The following TOPORS variants were observed in gnomAD, a reference collection of about 807,000 sequenced individuals.
TOPORS encodes TOP1 binding arginine/serine rich protein, E3 ubiquitin ligase, also known as E3 ubiquitin-protein ligase Topors.
A neutral mutation model predicts 81.4 loss-of-function variants in TOPORS; 25 were observed. The ratio of observed to expected loss-of-function variants is 0.31; its 90% CI spans 0.22 to 0.43. TOPORS has a LOEUF of 0.43. Among genes scored for constraint, TOPORS ranks in the 20% least tolerant of loss-of-function variants. The pLI is 1.00. For missense variants in TOPORS, 1,101 were observed against 1,267.0 expected (o/e 0.87, Z 1.99); for synonymous variants, 473 against 456.6 (o/e 1.04, Z -0.46).
At position 32,542,369 on chromosome 9, in the gene TOPORS, G is replaced by T. The variant is rs1821078952; in HGVS notation, c.2156C>A (p.Ser719Tyr). 6.2e-7 allele frequency: 1 copy of T among 1,614,094 alleles called. No individual in the cohort carries two copies. Among genetic ancestry groups the T allele is most frequent in the South Asian group, 1.1e-5 (1 of 91,084 alleles). ...TCTGGACAGAGTCCTCCTCCTGTAAGATGATTCGTACCCATCCCTGTCCTT... is the reference window on the plus strand; with the variant it reads ...TCTGGACAGAGTCCTCCTCCTGTAATATGATTCGTACCCATCCCTGTCCTT... ...RNKDRDGYES[S>Y]YRRRTLSRAH... Residue 719 changes from serine to tyrosine, a missense_variant, in exon 3 of 3, where the codon TCT becomes TAT. This residue lies in a region of TOPORS where 605 missense variants were observed against 636.1 expected (regional missense o/e 0.95). Transcript: ENST00000360538.
chr9:32,551,007 A>C, intron 1 of TOPORS, 39 bp from the exon 2 acceptor site: 1 of 1,601,436 alleles, frequency 6.2e-7, no homozygotes, highest in Non-Finnish European at 8.5e-7. Flanking sequence ...GCAGCTCGGA[A>C]GCAGGGCAGA....
At position 32,541,317 on chromosome 9, in the gene TOPORS, T is replaced by G. The variant is rs758912429; in HGVS notation, c.*70A>C. 5 of 1,436,102 alleles carry G rather than the reference T, an allele frequency of 3.5e-6. No individual in the cohort carries two copies. The highest frequency in any genetic ancestry group is 4.9e-6 in the Non-Finnish European group (5 of 1,026,616). 89.0% of individuals were successfully genotyped at this position (1,436,102 alleles called of 1,614,324 possible). A position where few individuals can be genotyped will look rare whatever the true frequency, so the allele number is the denominator to read the frequency against. On this transcript the variant is annotated 3_prime_UTR_variant, in exon 3 of 3. Coordinates refer to ENST00000360538, the MANE Select transcript of TOPORS (RefSeq NM_005802.5). The stretch of plus-strand genomic sequence containing the variant: ...CACCAAATGTCATCTTTAAATAGAC[T>G]GCAGTAGACGACATTCTTCCTTTTT...
At chr9:32,552,367 C>T (rs756551483) in intron 1 of TOPORS, 67 bp downstream of exon 1, 2 of 1,591,192 alleles carry the variant, frequency 1.3e-6, no homozygotes, top group Admixed American at 3.5e-5. Flanking sequence ...TGGCAGCCAC[C>T]GCCTGGGAGG....
At position 32,541,742 on chromosome 9, in the gene TOPORS, T is replaced by C. The variant is rs1369702932; in HGVS notation, c.2783A>G (p.Asn928Ser). 9 of 1,614,212 alleles carry C rather than the reference T, an allele frequency of 5.6e-6. No individual in the cohort carries two copies. In the East Asian group the frequency reaches 1.6e-4, roughly 28 times the overall value. Residue 928 changes from asparagine to serine, a missense_variant, in exon 3 of 3, where the codon AAT becomes AGT. By Grantham distance (46) the Asn-to-Ser change is conservative. Around this residue, in one of 9 missense-constraint regions of TOPORS, gnomAD observed 605 missense variants for 636.1 expected, o/e 0.95. Coordinates refer to ENST00000360538, the MANE Select transcript of TOPORS (RefSeq NM_005802.5). ...SEVKEDTECD[N>S]SGPQDPLQNE... ...TTGTAGAGGGTCTTGAGGACCACTA[T>C]TGTCACATTCTGTATCCTCCTTTAC... is the stretch of plus-strand genomic sequence containing the variant.
Position 32,541,609 on chromosome 9 carries a change from A to T in TOPORS, c.2916T>A (p.Ser972Arg), listed in dbSNP as rs1442344260. 1 of 1,614,198 alleles carries T rather than the reference A, an allele frequency of 6.2e-7. No homozygotes were observed. Among genetic ancestry groups the T allele is most frequent in the Non-Finnish European group, 8.5e-7 (1 of 1,180,042 alleles). The change falls in exon 3 of 3, where the codon AGT becomes AGA. Residue 972 changes from serine (S) to arginine (R), a missense_variant. Ser to Arg is a moderately radical substitution (Grantham distance 110, BLOSUM62 -1). Transcript: ENST00000360538. ...LDKECDIATL[S>R]NNLNNANKTV... ...TTTTGTTGGCATTATTCAAGTTGTTACTAAGTGTGGCAATATCACATTCCT... is the reference window on the plus strand; with the variant it reads ...TTTTGTTGGCATTATTCAAGTTGTTTCTAAGTGTGGCAATATCACATTCCT...
chr9:32,544,373 G>A, intron 2 of TOPORS, 47 bp from the exon 3 acceptor site: 1 of 1,565,614 alleles, frequency 6.4e-7, no homozygotes, highest in South Asian at 1.1e-5. Flanking sequence ...ATAGAGGAAT[G>A]ACTAAATAGT....
rs552192519 is a variant in TOPORS, at chr9:32,552,523, G to T, written c.-87C>A. On this transcript the variant is annotated 5_prime_UTR_variant, in exon 1 of 3. Transcript: ENST00000360538. Reference sequence around the variant, plus strand: ...GGGCCCCCACCGTGTCGACTCACTGGGCCCGCAGGCGGAAAGGCCCTATTT... The same window carrying T: ...GGGCCCCCACCGTGTCGACTCACTGTGCCCGCAGGCGGAAAGGCCCTATTT... 5 of 1,547,016 alleles carry T rather than the reference G, an allele frequency of 3.2e-6. No individual in the cohort carries two copies. The East Asian group carries it at 9.4e-5, about 29-fold the overall frequency.
At chr9:32,548,514 G>A (rs772188028) in intron 2 of TOPORS, among the ~76,000 whole-genome samples, 2 of 151,828 alleles carry the variant, frequency 1.3e-5, no homozygotes, top group Admixed American at 6.6e-5. Flanking sequence ...CAACAAGAGC[G>A]AAACTCTGCC....
In TOPORS at chr9:32,542,207, G is replaced by C. The variant is rs1202820684; in HGVS notation, c.2318C>G (p.Ser773Cys). ...YYERHRSRSLSSNRSRTASTG... is the reference protein window; with the variant it reads ...YYERHRSRSLCSNRSRTASTG... ...AGATGCAGTCCTTGATCTGTTACTA[G>C]ACAGGCTCCTTGATCTGTGCCTTTC... Residue 773 changes from serine (S) to cysteine (C), a missense_variant, in exon 3 of 3, where the codon TCT becomes TGT. Physicochemically the swap from Ser to Cys is moderately radical, Grantham distance 112. This residue lies in a region of TOPORS where 605 missense variants were observed against 636.1 expected (regional missense o/e 0.95). Transcript: ENST00000360538. 1.1e-5 allele frequency: 18 copies of C among 1,614,070 alleles called. No homozygotes were observed. Among genetic ancestry groups the C allele is most frequent in the Non-Finnish European group, 1.5e-5 (18 of 1,180,032 alleles).
At chr9:32,549,265 C>T (rs588127) in intron 2 of TOPORS, among the ~76,000 whole-genome samples, 5,737 of 152,114 alleles carry the variant, frequency 0.038, 364 homozygotes, top group African/African-American at 0.13. Flanking sequence ...CGAGACTGCG[C>T]CACTGCACTC....
At chr9:32,549,503 T>C (rs553815483) in intron 2 of TOPORS, among the ~76,000 whole-genome samples, 211 of 152,202 alleles carry the variant, frequency 1.4e-3, no homozygotes, top group Non-Finnish European at 2.3e-3. Context: ...AATTCTAAAA[T>C]GGAATTGAAA....
chr9:32,542,523 T>C lies in TOPORS; in HGVS notation c.2002A>G (p.Ser668Gly). The part of the protein sequence containing the change: ...QTLSLSSEST[S>G]RSRSRSSDHG... Reference sequence around the variant, plus strand: ...TCACTGCTACGAGACCTTGATCTGCTTGTGCTTTCACTACTTAGAGACAGA... The same window carrying C: ...TCACTGCTACGAGACCTTGATCTGCCTGTGCTTTCACTACTTAGAGACAGA... Residue 668 changes from serine (S) to glycine (G), a missense_variant, in exon 3 of 3, where the codon AGC (serine) becomes GGC (glycine). Ser to Gly is a moderately conservative substitution (Grantham distance 56). Coordinates refer to ENST00000360538, the MANE Select transcript of TOPORS (RefSeq NM_005802.5). 1 of 1,614,122 alleles carries C rather than the reference T, an allele frequency of 6.2e-7. No individual in the cohort carries two copies. Among genetic ancestry groups the C allele is most frequent in the Non-Finnish European group, 8.5e-7 (1 of 1,180,026 alleles).
At position 32,550,899 on chromosome 9, in the gene TOPORS, A is replaced by C. The variant is rs150717665; in HGVS notation, c.73T>G (p.Ser25Ala). 2 of 1,612,836 alleles carry C rather than the reference A, an allele frequency of 1.2e-6. No individual in the cohort carries two copies. Among genetic ancestry groups the C allele is most frequent in the African/African-American group, 1.3e-5 (1 of 74,904 alleles). Residue 25 changes from serine to alanine, a missense_variant, in exon 2 of 3, where the codon TCG becomes GCG. Physicochemically the swap from Ser to Ala is moderately conservative, Grantham distance 99 (BLOSUM62 1). Transcript: ENST00000360538. The part of the protein sequence containing the change: ...EGEAPPPAPA[S>A]EGRRRSRRVR... ...CGGCGACTTCTCCGCCTACCCTCCG[A>C]AGCGGGAGCAGGCGGGGGCGCTTCA... is the stretch of plus-strand genomic sequence containing the variant.
Position 32,550,766 on chromosome 9 carries a change from T to C in TOPORS, c.198+8A>G, listed in dbSNP as rs377163608. 2.5e-6 allele frequency: 4 copies of C among 1,612,590 alleles called. No homozygotes were observed. In the Admixed American group the frequency reaches 5.0e-5, roughly 20 times the overall value. ...CCCCCGCGTCCCATTGTTCCGAATC[T>C]CACTCACCTCGGAGGATGCCGGCGC... is the stretch of plus-strand genomic sequence containing the variant. On this transcript the variant is annotated splice_region_variant and intron_variant, in intron 2 of 2. Coordinates refer to ENST00000360538, the MANE Select transcript of TOPORS (RefSeq NM_005802.5).
In TOPORS at chr9:32,542,365, G is replaced by GT; in HGVS notation, c.2159dup (p.Tyr720Ter). 6.2e-7 allele frequency: 1 copy of GT among 1,614,088 alleles called. No individual in the cohort carries two copies. The highest frequency in any genetic ancestry group is 2.2e-5 in the East Asian group (1 of 44,878). ...NKDRDGYESS[Y>*]RRRTLSRAHY... ...GAGCTCTGGACAGAGTCCTCCTCCT[G>GT]TAAGATGATTCGTACCCATCCCTGT... Residue 720 changes from tyrosine to a stop codon, truncating the protein, a stop_gained and frameshift_variant, in exon 3 of 3, where the codon TAC (tyrosine) becomes TAAC (stop). Coordinates refer to ENST00000360538, the MANE Select transcript of TOPORS (RefSeq NM_005802.5). LOFTEE classifies it high-confidence loss of function.
chr9:32,551,182 T>C, intron 1 of TOPORS: 1 of 629,124 alleles, frequency 1.6e-6, no homozygotes, highest in Non-Finnish European at 2.8e-6. Context: ...AGCGCGACCC[T>C]CCCCATCTTG....
Position 32,552,443 on chromosome 9 carries a change from A to G in TOPORS, c.-7T>C, listed in dbSNP as rs1323190967. On this transcript the variant is annotated 5_prime_UTR_variant, in exon 1 of 3. Coordinates refer to ENST00000360538, the MANE Select transcript of TOPORS (RefSeq NM_005802.5). ...GCTGCCGCCTCCTTACCATGAAGCC[A>G]GTAAGTCGTCGCACGCTGGACTGGA... 6.2e-6 allele frequency: 10 copies of G among 1,607,620 alleles called. No homozygotes were observed. The highest frequency in any genetic ancestry group is 8.5e-6 in the Non-Finnish European group (10 of 1,177,474).
At chr9:32,552,293 G>C in intron 1 of TOPORS, 141 bp downstream of exon 1, 1 of 1,261,662 alleles carries the variant, frequency 7.9e-7, no homozygotes, top group Non-Finnish European at 1.1e-6. Flanking sequence ...AGAGGCCAGC[G>C]ACAGCGCTGC....
chr9:32,551,298 G>A (rs1253394240), intron 1 of TOPORS: 2 of 485,470 alleles, frequency 4.1e-6, no homozygotes, highest in Non-Finnish European at 7.6e-6. Context: ...CAAACTCTGC[G>A]GAAACTTAGG....
Sources: allele counts gnomAD v4.1 joint callset (sites outside exome capture counted in the v4.1 genomes callset), GRCh38; gene constraint gnomAD v4.1.1; regional missense constraint gnomAD v4.1.1; transcripts MANE v1.5; gene names NCBI Gene and HGNC (gene_info 2026-07-23, HGNC 2026-07-21).